The following LRRC4C variants were observed in gnomAD, a reference collection of about 807,000 sequenced individuals.
The protein encoded by LRRC4C is leucine-rich repeat-containing protein 4C.
Under a neutral mutation model 33.6 loss-of-function variants are expected in LRRC4C, and 5 were observed. That is an observed-to-expected ratio of 0.15 (90% CI 0.08 to 0.31). The LOEUF (loss-of-function observed/expected upper bound fraction) is 0.31. Ranked by LOEUF, LRRC4C falls within the 10% of genes least tolerant of loss-of-function variation. The probability of loss-of-function intolerance (pLI) is 1.00; values close to 1 mark genes in which losing one functional copy is unlikely to be tolerated. For synonymous variants in LRRC4C, 329 were observed against 302.0 expected (o/e 1.09, Z -0.93); for missense variants, 560 against 796.7 (o/e 0.70, Z 3.58).
At chr11:40,883,064 G>A (rs1228584741) in intron 2 of LRRC4C, among the ~76,000 whole-genome samples, 3 of 152,028 alleles carry the variant, frequency 2.0e-5, no homozygotes, top group African/African-American at 4.8e-5. Flanking sequence ...TCGCATCTCC[G>A]TCTCAGTGTA....
At chr11:41,278,297 A>C (rs1949546843) in intron 1 of LRRC4C, among the ~76,000 whole-genome samples, 2 of 152,198 alleles carry the variant, frequency 1.3e-5, no homozygotes, top group Non-Finnish European at 2.9e-5. Context: ...CATTCATAGG[A>C]TCTTGGAAAC....
intron 2 of LRRC4C, among the ~76,000 whole-genome samples, chr11:40,734,555 C>G (rs183078328): frequency 1.3e-5 from 2 of 152,200 alleles, no homozygotes; most frequent in Admixed American, 6.5e-5. Context: ...AAAAACGGAT[C>G]CCTCCACCAA....
At chr11:40,916,230 A>G (rs901429987) in intron 2 of LRRC4C, among the ~76,000 whole-genome samples, 10 of 152,230 alleles carry the variant, frequency 6.6e-5, no homozygotes, top group African/African-American at 2.2e-4. Flanking sequence ...TCATGCCACT[A>G]TAAAGACACA....
chr11:40,549,534 A>G (rs147240532), intron 3 of LRRC4C, among the ~76,000 whole-genome samples: 35 of 152,324 alleles, frequency 2.3e-4, no homozygotes, highest in Admixed American at 5.2e-4. Context: ...TCAAGTATAA[A>G]TGTACAAAAA....
intron 2 of LRRC4C, among the ~76,000 whole-genome samples, chr11:40,922,230 T>G (rs1420338161): frequency 6.6e-6 from 1 of 152,136 alleles, no homozygotes; most frequent in African/African-American, 2.4e-5. Context: ...AGTTTTTAGA[T>G]TTTTAGAGTA....
At chr11:40,605,219 T>A (rs1960449997) in intron 3 of LRRC4C, among the ~76,000 whole-genome samples, 2 of 152,178 alleles carry the variant, frequency 1.3e-5, no homozygotes, top group Non-Finnish European at 2.9e-5. Context: ...GCGATTTTTT[T>A]AATGGGCTTA....
At chr11:41,077,091 C>G (rs1052576641) in intron 1 of LRRC4C, among the ~76,000 whole-genome samples, 3 of 152,224 alleles carry the variant, frequency 2.0e-5, no homozygotes, top group Non-Finnish European at 4.4e-5. Context: ...CCTTGTGCAG[C>G]TCTGCCCCTG....
At chr11:40,170,208 G>T (rs1368702635) in intron 5 of LRRC4C, among the ~76,000 whole-genome samples, 1 of 152,140 alleles carries the variant, frequency 6.6e-6, no homozygotes, top group Non-Finnish European at 1.5e-5. Context: ...CATATGAATG[G>T]TTAAAAGAAC....
chr11:40,232,080 C>T (rs1238818607), intron 5 of LRRC4C, among the ~76,000 whole-genome samples: 1 of 152,138 alleles, frequency 6.6e-6, no homozygotes, highest in Non-Finnish European at 1.5e-5. Flanking sequence ...GATCTGGGCT[C>T]GCTGCAACCT....
intron 2 of LRRC4C, among the ~76,000 whole-genome samples, chr11:40,662,960 G>C (rs1176466291): frequency 6.6e-6 from 1 of 152,206 alleles, no homozygotes; most frequent in Non-Finnish European, 1.5e-5. Flanking sequence ...TCATAATAAT[G>C]TGCTAGTTCT....
intron 2 of LRRC4C, among the ~76,000 whole-genome samples, chr11:40,856,670 CA>C (rs1420140077): frequency 6.6e-6 from 1 of 152,038 alleles, no homozygotes; most frequent in Non-Finnish European, 1.5e-5. Context: ...TGGGAGTAAA[CA>C]AAATAAAACA....
rs188286870 is a variant in LRRC4C at position 41,024,491 on chromosome 11, A to G, written c.-495-90768T>C. ...ATAAATATTAATTCACTTAATTCTC[A>G]CAGTCGTCTTCCAAGACACATTCCT... On this transcript the variant is annotated intron_variant, in intron 1 of 6. Transcript: ENST00000528697. Among the ~76,000 whole-genome samples, 284 of 151,824 alleles carry G rather than the reference A, an allele frequency of 1.9e-3. 1 individual carries two copies. The highest frequency in any genetic ancestry group is 6.4e-3 in the African/African-American group (264 of 41,512).
At chr11:40,994,815 C>G (rs955258417) in intron 1 of LRRC4C, among the ~76,000 whole-genome samples, 1 of 69,748 alleles carries the variant, frequency 1.4e-5, no homozygotes, top group African/African-American at 4.8e-5. Flanking sequence ...TCTATTTATA[C>G]TTTTTTTTTA....
At chr11:40,904,310 CA>C (rs1956328671) in intron 2 of LRRC4C, among the ~76,000 whole-genome samples, 2 of 144,514 alleles carry the variant, frequency 1.4e-5, no homozygotes, top group South Asian at 2.3e-4. Flanking sequence ...GCTCCCAAAC[CA>C]ATTAATGACT....
intron 5 of LRRC4C, among the ~76,000 whole-genome samples, chr11:40,183,771 C>A (rs559649842): frequency 1.1e-4 from 16 of 152,274 alleles, no homozygotes; most frequent in Non-Finnish European, 1.8e-4. Flanking sequence ...CATGGTATAC[C>A]TCCTCAGTCC....
intron 3 of LRRC4C, among the ~76,000 whole-genome samples, chr11:40,624,426 G>A (rs957221141): frequency 6.6e-6 from 1 of 152,096 alleles, no homozygotes; most frequent in Non-Finnish European, 1.5e-5. Context: ...TCCCAGATGT[G>A]GCAGTGACCA....
At chr11:41,206,522 C>T (rs1401282698) in intron 1 of LRRC4C, among the ~76,000 whole-genome samples, 1 of 152,194 alleles carries the variant, frequency 6.6e-6, no homozygotes, top group African/African-American at 2.4e-5. Flanking sequence ...TTGCTCACAG[C>T]TTTCCTCCTG....
intron 2 of LRRC4C, among the ~76,000 whole-genome samples, chr11:40,775,403 G>A (rs1262414277): frequency 1.6e-5 from 2 of 124,172 alleles, no homozygotes; most frequent in African/African-American, 3.2e-5. Flanking sequence ...GACAAGGCGA[G>A]ACTCTGTTTC....
At chr11:40,734,220 G>A (rs1274332673) in intron 2 of LRRC4C, among the ~76,000 whole-genome samples, 1 of 152,100 alleles carries the variant, frequency 6.6e-6, no homozygotes, top group Admixed American at 6.6e-5. Context: ...CTTAGAGTCT[G>A]AAGGGTTGGG....
Sources: allele counts gnomAD v4.1 joint callset (sites outside exome capture counted in the v4.1 genomes callset), GRCh38; gene constraint gnomAD v4.1.1; transcripts MANE v1.5; gene names NCBI Gene and HGNC (gene_info 2026-07-23, HGNC 2026-07-21).